Variants in DCHS2 observed in about 807,000 individuals in gnomAD.
DCHS2 encodes protocadherin-23.
DCHS2 carries 142 observed loss-of-function variants against 182.4 expected under a neutral mutation model. The observed-to-expected ratio is 0.78, with a 90% CI of 0.68 to 0.89. The LOEUF is 0.89. DCHS2 is among the 40% of genes least tolerant of loss of function. The pLI is 0.00. For synonymous variants in DCHS2, 1,740 were observed against 1,663.3 expected (o/e 1.05, Z -1.12); for missense variants, 4,319 against 4,198.6 (o/e 1.03, Z -0.79).
In DCHS2 at chr4:154,259,736, G is replaced by C; in HGVS notation, c.6598C>G (p.Pro2200Ala). The change falls in exon 15 of 20, where the codon CCC (proline) becomes GCC (alanine). Residue 2200 changes from proline to alanine, a missense_variant. Pro to Ala is a conservative substitution (Grantham distance 27, BLOSUM62 -1). Coordinates refer to ENST00000357232, the MANE Select transcript of DCHS2 (RefSeq NM_001358235.2). ...CTGACTTCAAAATCAAGAAACTTGG[G>C]TTCTTTCACAGTGAGTTGTCCTATT... ...SKSGQLTVKEPKFLDFEVRNE... is the reference protein window; with the variant it reads ...SKSGQLTVKEAKFLDFEVRNE... The C allele has an allele frequency of 6.2e-7, 1 of 1,613,746 alleles. No individual in the cohort carries two copies.
intron 1 of DCHS2, among the ~76,000 whole-genome samples, chr4:154,423,841 T>C (rs2110919778): frequency 6.6e-6 from 1 of 152,330 alleles, no homozygotes; most frequent in South Asian, 2.1e-4. Flanking sequence ...AAAGTGCAGC[T>C]TCTGATTCCC....
intron 16 of DCHS2, among the ~76,000 whole-genome samples, chr4:154,254,180 C>T (rs1361506819): frequency 6.6e-6 from 1 of 152,160 alleles, no homozygotes; most frequent in African/African-American, 2.4e-5. Context: ...AACCGAAAAA[C>T]ACAACATCTA....
intron 1 of DCHS2, among the ~76,000 whole-genome samples, chr4:154,435,452 T>C (rs1039888876): frequency 2.0e-5 from 3 of 151,812 alleles, no homozygotes; most frequent in African/African-American, 7.3e-5. Flanking sequence ...AAAAATTAGC[T>C]GGGTATGGTG....
In DCHS2 at chr4:154,235,654, C is replaced by T; in HGVS notation, c.8998G>A (p.Val3000Ile). 4.3e-6 allele frequency: 7 copies of T among 1,613,896 alleles called. No homozygotes were observed. Among genetic ancestry groups the T allele is most frequent in the Non-Finnish European group, 5.9e-6 (7 of 1,179,948 alleles). The change falls in exon 20 of 20, where the codon GTC (valine) becomes ATC (isoleucine). Residue 3000 changes from valine to isoleucine, a missense_variant. Transcript: ENST00000357232. The stretch of plus-strand genomic sequence containing the variant: ...AGTATCAGAAACACTAAAAAGGAGA[C>T]CACCAGGCTGATTGAAAAGCTGCTG... ...FASSFSISLV[V>I]SFLVFLILIC...
chr4:154,395,791 A>C (rs558988075), intron 1 of DCHS2, among the ~76,000 whole-genome samples: 1 of 152,346 alleles, frequency 6.6e-6, no homozygotes, highest in African/African-American at 2.4e-5. Context: ...AAAGCAGGCA[A>C]GAAGGAAAGT....
intron 3 of DCHS2, among the ~76,000 whole-genome samples, chr4:154,365,433 T>C (rs1475525234): frequency 6.6e-6 from 1 of 152,070 alleles, no homozygotes; most frequent in African/African-American, 2.4e-5. Context: ...TTTAGTTCTC[T>C]CACAAAAACT....
At chr4:154,334,654 T>A (rs940553632) in intron 4 of DCHS2, 1 of 533,692 alleles carries the variant, frequency 1.9e-6, no homozygotes, top group African/African-American at 1.9e-5. Flanking sequence ...ACATTCTTTT[T>A]AAAATGCCTA....
At chr4:154,400,171 C>G (rs1030981631) in intron 1 of DCHS2, among the ~76,000 whole-genome samples, 1 of 151,794 alleles carries the variant, frequency 6.6e-6, no homozygotes, top group African/African-American at 2.4e-5. Flanking sequence ...GGCGTGGTGG[C>G]GGGTGCCTGT....
rs1216270609 is a variant in DCHS2, at chr4:154,332,742, A to G, written c.3466T>C (p.Tyr1156His). The G allele has an allele frequency of 6.2e-7, 1 of 1,614,230 alleles. No individual in the cohort carries two copies. Among genetic ancestry groups the G allele is most frequent in the African/African-American group, 1.3e-5 (1 of 75,060 alleles). Reference protein sequence around the residue: ...RQFDYESTQTYNFRVFAWIPE... With the variant: ...RQFDYESTQTHNFRVFAWIPE... ...ATCCAAGCAAACACTCTAAAATTAT[A>G]TGTTTGGGTGGATTCATAGTCAAAC... is the stretch of plus-strand genomic sequence containing the variant. The change falls in exon 5 of 20, where the codon TAT becomes CAT. Residue 1156 changes from tyrosine (Y) to histidine (H), a missense_variant. Transcript: ENST00000357232.
chr4:154,476,513 TTA>T (rs1735689678), intron 1 of DCHS2, among the ~76,000 whole-genome samples: 1 of 152,218 alleles, frequency 6.6e-6, no homozygotes, highest in Non-Finnish European at 1.5e-5. Context: ...ACATGAAAGA[TTA>T]TAGATAGACT....
intron 3 of DCHS2, among the ~76,000 whole-genome samples, chr4:154,351,823 T>C (rs1729630096): frequency 6.6e-6 from 1 of 152,114 alleles, no homozygotes. Context: ...GCTCCGGCGG[T>C]AATGCTCACT....
At chr4:154,237,492 C>T (rs1356956360) in intron 19 of DCHS2, 4 of 193,256 alleles carry the variant, frequency 2.1e-5, no homozygotes, top group African/African-American at 9.5e-5. Context: ...AAAATTTATA[C>T]CCCATTCTAC....
chr4:154,372,745 A>G (rs912195271), intron 2 of DCHS2, among the ~76,000 whole-genome samples: 4 of 152,248 alleles, frequency 2.6e-5, no homozygotes, highest in African/African-American at 9.6e-5. Flanking sequence ...ATGTAATTTT[A>G]TAGCATTCTC....
At chr4:154,328,028 G>T (rs888793635) in intron 7 of DCHS2, 65 bp downstream of exon 7, 18 of 1,167,662 alleles carry the variant, frequency 1.5e-5, no homozygotes, top group Middle Eastern at 2.2e-4. Context: ...CCCAGAAGGG[G>T]ATAGTTGATA....
Position 154,490,124 on chromosome 4 carries a change from G to A in DCHS2, c.1232C>T (p.Pro411Leu). The A allele has an allele frequency of 6.5e-7, 1 of 1,547,914 alleles. No individual in the cohort carries two copies. Among genetic ancestry groups the A allele is most frequent in the Non-Finnish European group, 8.7e-7 (1 of 1,145,236 alleles). ...TGTGAGAAAGAGCACGTGAATTGCT[G>A]GCCGGTTGTCATTCACGTCCAGCAC... ...IAVLDVNDNR[P>L]AIHVLFLTEG... Residue 411 changes from proline to leucine, a missense_variant, in exon 1 of 20, where the codon CCA (proline) becomes CTA (leucine). Physicochemically the swap from Pro to Leu is moderately conservative, Grantham distance 98. Coordinates refer to ENST00000357232, the MANE Select transcript of DCHS2 (RefSeq NM_001358235.2).
chr4:154,334,788 T>G, intron 4 of DCHS2, 80 bp downstream of exon 4: 1 of 1,151,520 alleles, frequency 8.7e-7, no homozygotes, highest in Non-Finnish European at 1.3e-6. Context: ...AAAAAAATTA[T>G]TCAAGATTGT....
Position 154,235,056 on chromosome 4 carries a change from T to A in DCHS2, c.9596A>T (p.Asp3199Val). 6.2e-7 allele frequency: 1 copy of A among 1,613,822 alleles called. No individual in the cohort carries two copies. The highest frequency in any genetic ancestry group is 2.2e-5 in the East Asian group (1 of 44,806). Reference sequence around the variant, plus strand: ...AATAAAGACAGACTCTTTTCTAACGTCAGCCAGGATGCTCTCTTTTGCCTC... The same window carrying A: ...AATAAAGACAGACTCTTTTCTAACGACAGCCAGGATGCTCTCTTTTGCCTC... ...KREAKESILA[D>V]VRKESVFISG... Residue 3199 changes from aspartate (D) to valine (V), a missense_variant, in exon 20 of 20, where the codon GAC (aspartate) becomes GTC (valine). Transcript: ENST00000357232.
chr4:154,414,966 G>T (rs932163295), intron 1 of DCHS2, among the ~76,000 whole-genome samples: 16 of 152,178 alleles, frequency 1.1e-4, no homozygotes, highest in African/African-American at 3.9e-4. Flanking sequence ...CTGCTAAGAA[G>T]GTGATGCCGC....
intron 1 of DCHS2, chr4:154,384,470 G>A: frequency 3.8e-6 from 6 of 1,588,602 alleles, no homozygotes; most frequent in Middle Eastern, 1.7e-4. Flanking sequence ...CACACTGACT[G>A]CTTGTAGGGG....
Sources: allele counts gnomAD v4.1 joint callset (sites outside exome capture counted in the v4.1 genomes callset), GRCh38; gene constraint gnomAD v4.1.1; transcripts MANE v1.5; gene names NCBI Gene and HGNC (gene_info 2026-07-23, HGNC 2026-07-21).